The following SLC38A6 variants were observed in gnomAD, a reference collection of about 807,000 sequenced individuals.
The protein encoded by SLC38A6 is solute carrier family 38 member 6.
Under a neutral mutation model 65.0 loss-of-function variants are expected in SLC38A6, and 73 were observed. The ratio of observed to expected loss-of-function variants is 1.12; its 90% confidence interval spans 0.93 to 1.37. SLC38A6 has a LOEUF of 1.37. Ranked by LOEUF, SLC38A6 falls within the 40% of genes most tolerant of loss-of-function variation. The pLI is 0.00. For missense variants in SLC38A6, 561 were observed against 531.1 expected (o/e 1.06, Z -0.55); for synonymous variants, 183 against 178.8 (o/e 1.02, Z -0.19).
chr14:61,017,331 G>A lies in SLC38A6; in HGVS notation c.363+1375G>A, dbSNP rs541701833. 6.6e-5 allele frequency among the ~76,000 whole-genome samples: 10 copies of A among 152,224 alleles called. No individual in the cohort carries two copies. In the South Asian group the frequency reaches 8.3e-4, roughly 13 times the overall value. ...CTGGGATTACAGCGTTAGCCACCGCGCCCGGCCCTAACTTTGTTTTTAAAG... is the reference window on the plus strand; with the variant it reads ...CTGGGATTACAGCGTTAGCCACCGCACCCGGCCCTAACTTTGTTTTTAAAG... On this transcript the variant is annotated intron_variant, in intron 4 of 15. Coordinates refer to ENST00000267488, the MANE Select transcript of SLC38A6 (RefSeq NM_153811.3).
At chr14:61,029,155 CTT>C (rs111427405) in intron 5 of SLC38A6, among the ~76,000 whole-genome samples, 37 of 130,290 alleles carry the variant, frequency 2.8e-4, no homozygotes, top group Admixed American at 4.7e-4. Context: ...ACTCTTTATT[CTT>C]TTTTTTTTTT....
intron 12 of SLC38A6, 84 bp downstream of exon 12, chr14:61,046,251 T>G: frequency 1.2e-6 from 1 of 847,494 alleles, no homozygotes; most frequent in Non-Finnish European, 1.9e-6. Flanking sequence ...ACCTATGCCT[T>G]TTATTACTAA....
chr14:61,082,320 C>A (rs1318777319), intron 16 of SLC38A6, among the ~76,000 whole-genome samples: 2 of 152,150 alleles, frequency 1.3e-5, no homozygotes, highest in Non-Finnish European at 2.9e-5. Flanking sequence ...CAGAGAATGT[C>A]TTTAGTCCTG....
chr14:61,052,738 A>G (rs532676755), downstream of SLC38A6: 158 of 174,400 alleles, frequency 9.1e-4, no homozygotes, highest in South Asian at 1.4e-3. Flanking sequence ...GTTTTACCCC[A>G]ACATACAGTT....
chr14:61,007,944 C>A (rs2039273243), intron 3 of SLC38A6, among the ~76,000 whole-genome samples: 1 of 151,788 alleles, frequency 6.6e-6, no homozygotes, highest in Admixed American at 6.6e-5. Flanking sequence ...ATAGCTTTTA[C>A]TTTAGAATAT....
chr14:61,061,089 G>A (rs994842607), intron 15 of SLC38A6, among the ~76,000 whole-genome samples: 9 of 152,032 alleles, frequency 5.9e-5, no homozygotes, highest in Non-Finnish European at 1.3e-4. Context: ...CTTCTGCGTC[G>A]CTCACGCTGG....
intron 15 of SLC38A6, among the ~76,000 whole-genome samples, chr14:61,074,740 T>C (rs1390098543): frequency 6.7e-6 from 1 of 149,812 alleles, no homozygotes. Flanking sequence ...TTCTTTTCTT[T>C]CTTTCTTCTT....
At chr14:61,076,845 T>C (rs528970261) in intron 15 of SLC38A6, among the ~76,000 whole-genome samples, 1 of 152,340 alleles carries the variant, frequency 6.6e-6, no homozygotes, top group Admixed American at 6.5e-5. Flanking sequence ...ATATGGGTCT[T>C]CAAGTAGAGC....
intron 16 of SLC38A6, among the ~76,000 whole-genome samples, chr14:61,083,074 C>T (rs779468024): frequency 2.0e-5 from 3 of 152,218 alleles, no homozygotes; most frequent in Admixed American, 6.5e-5. Context: ...ATAGTTTGAG[C>T]TTGGCCCTCT....
Position 61,052,406 on chromosome 14 carries a change from A to G in SLC38A6, c.1348A>G (p.Ile450Val). The change falls in exon 16 of 16, where the codon ATT becomes GTT. Residue 450 changes from isoleucine (I) to valine (V), a missense_variant. By Grantham distance (29) the Ile-to-Val change is conservative. Transcript: ENST00000267488. ...LVGNFSLALI[I>V]FDWINK ...TGGGAATTTTAGTTTAGCACTCATC[A>G]TTTTTGATTGGATTAATAAATAAAA... The G allele has an allele frequency of 6.4e-7, 1 of 1,574,312 alleles. No individual in the cohort carries two copies. Among genetic ancestry groups the G allele is most frequent in the African/African-American group, 1.4e-5 (1 of 72,774 alleles).
chr14:61,081,073 A>G (rs1012625789), intron 16 of SLC38A6, among the ~76,000 whole-genome samples: 8 of 149,772 alleles, frequency 5.3e-5, no homozygotes, highest in Non-Finnish European at 1.0e-4. Context: ...GAAGCCAGCA[A>G]TGGTGGCTAA....
At chr14:61,039,978 G>A (rs2041689145) in intron 8 of SLC38A6, among the ~76,000 whole-genome samples, 1 of 151,346 alleles carries the variant, frequency 6.6e-6, no homozygotes, top group East Asian at 1.9e-4. Context: ...AAAATATTTT[G>A]CAATTTTAAA....
intron 3 of SLC38A6, among the ~76,000 whole-genome samples, chr14:61,013,318 T>C (rs1474226595): frequency 6.6e-6 from 1 of 152,268 alleles, no homozygotes; most frequent in African/African-American, 2.4e-5. Context: ...AGCACACTGA[T>C]GGGTCTTGAC....
At chr14:61,007,947 T>C (rs2039273575) in intron 3 of SLC38A6, among the ~76,000 whole-genome samples, 1 of 152,178 alleles carries the variant, frequency 6.6e-6, no homozygotes, top group Non-Finnish European at 1.5e-5. Context: ...GCTTTTACTT[T>C]AGAATATGTG....
intron 9 of SLC38A6, 103 bp downstream of exon 9, chr14:61,043,315 T>G: frequency 4.9e-6 from 5 of 1,019,546 alleles, no homozygotes; most frequent in Non-Finnish European, 7.2e-6. Context: ...GTAATGGCTA[T>G]ATTGCATTTT....
At chr14:60,984,953 A>C in intron 3 of SLC38A6, 150 bp downstream of exon 3, 1 of 731,852 alleles carries the variant, frequency 1.4e-6, no homozygotes, top group East Asian at 2.8e-5. Flanking sequence ...AAAAACCAGG[A>C]TATACAGACC....
At chr14:61,018,157 A>C (rs1440236590) in intron 4 of SLC38A6, among the ~76,000 whole-genome samples, 1 of 152,232 alleles carries the variant, frequency 6.6e-6, no homozygotes, top group Non-Finnish European at 1.5e-5. Context: ...TGAAAGAATA[A>C]TCATCAATAA....
At chr14:61,061,638 ATATGCAATTAAGTTTCTTC>A (rs1208823547) in intron 15 of SLC38A6, among the ~76,000 whole-genome samples, 1 of 152,194 alleles carries the variant, frequency 6.6e-6, no homozygotes, top group East Asian at 1.9e-4. Flanking sequence ...TCGTTTAGAA[ATATGCAATTAAGTTTCTTC>A]TATGTCTTTT....
At chr14:61,030,263 C>CTGTGTGTGTG (rs3080609) in intron 5 of SLC38A6, among the ~76,000 whole-genome samples, 182 bp from the exon 6 acceptor site, 36 of 148,844 alleles carry the variant, frequency 2.4e-4, no homozygotes, top group African/African-American at 4.2e-4. Flanking sequence ...AGTTACTTTT[C>CTGTGTGTGTG]TGTGTGTGTG....
Sources: gnomAD v4.1 joint callset for allele counts (sites outside exome capture counted in the v4.1 genomes callset) on GRCh38, gnomAD v4.1.1 for gene constraint, MANE v1.5 for transcripts, NCBI Gene and HGNC (gene_info 2026-07-23, HGNC 2026-07-21) for gene names.